Variants in PRUNE2 observed in about 807,000 individuals in gnomAD.
The protein encoded by PRUNE2 is prune homolog 2 with BCH domain, also known as protein prune homolog 2.
In PRUNE2, 164 loss-of-function variants were observed where a neutral mutation model predicts 252.0. The ratio of observed to expected loss-of-function variants is 0.65; its 90% confidence interval spans 0.57 to 0.74. The LOEUF (loss-of-function observed/expected upper bound fraction) is 0.74, where lower values mean the gene tolerates loss of function less well. Among genes scored for constraint, PRUNE2 ranks in the 30% least tolerant of loss-of-function variants. The probability of loss-of-function intolerance (pLI) is 0.00; values close to 1 mark genes in which losing one functional copy is unlikely to be tolerated. For synonymous variants in PRUNE2, 1,292 were observed against 1,350.2 expected (o/e 0.96, Z 0.94); for missense variants, 3,495 against 3,711.0 (o/e 0.94, Z 1.51).
At position 76,805,626 on chromosome 9, in the gene PRUNE2, C is replaced by A. The variant is rs560262689; in HGVS notation, c.756+18006G>T. 7.2e-4 allele frequency among the ~76,000 whole-genome samples: 109 copies of A among 152,270 alleles called. 2 individuals carry two copies. The highest frequency in any genetic ancestry group is 2.6e-3 in the African/African-American group (106 of 41,554). On this transcript the variant is annotated intron_variant, in intron 6 of 18. Coordinates refer to ENST00000376718, the MANE Select transcript of PRUNE2 (RefSeq NM_015225.3). ...AAATAAAAAATAAAACATAAAAATT[C>A]TGGTGTGCTATTGTACAGCAGTAGC...
chr9:76,628,549 G>A (rs1306339936), intron 16 of PRUNE2, among the ~76,000 whole-genome samples: 1 of 144,686 alleles, frequency 6.9e-6, no homozygotes, highest in Non-Finnish European at 1.6e-5. Context: ...TGTCTGTGCA[G>A]AGTGGGGGAC....
chr9:76,829,270 G>A (rs549198178), intron 4 of PRUNE2, among the ~76,000 whole-genome samples: 2 of 152,210 alleles, frequency 1.3e-5, no homozygotes, highest in African/African-American at 4.8e-5. Context: ...TTCCTCTTAG[G>A]ATATTTGCTA....
rs750201908 is a variant in PRUNE2, at chr9:76,706,641, G to T, written c.5633C>A (p.Pro1878His). 3.1e-6 allele frequency: 5 copies of T among 1,613,724 alleles called. No homozygotes were observed. In the East Asian group the frequency reaches 1.1e-4, roughly 36 times the overall value. Residue 1878 changes from proline (P) to histidine (H), a missense_variant, in exon 8 of 19, where the codon CCC (proline) becomes CAC (histidine). Pro to His is a moderately conservative substitution (Grantham distance 77). Coordinates refer to ENST00000376718, the MANE Select transcript of PRUNE2 (RefSeq NM_015225.3). ...AGGATTAGTATAGTGTGTTTCCACG[G>T]GCTCAATATCACCCTGAACTGGTAC... ...WGVPVQGDIE[P>H]VETHYTNPFS...
intron 9 of PRUNE2, among the ~76,000 whole-genome samples, chr9:76,680,252 A>G (rs935869889): frequency 6.6e-6 from 1 of 152,228 alleles, no homozygotes; most frequent in Non-Finnish European, 1.5e-5. Flanking sequence ...AGCATATGAA[A>G]AGATGCTCCA....
chr9:76,789,238 C>T lies in PRUNE2; in HGVS notation c.756+34394G>A, dbSNP rs1372785208. Among the ~76,000 whole-genome samples the T allele has an allele frequency of 5.3e-5, 8 of 152,190 alleles. No individual in the cohort carries two copies. In the South Asian group the frequency reaches 1.2e-3, roughly 24 times the overall value. On this transcript the variant is annotated intron_variant, in intron 6 of 18. Transcript: ENST00000376718. ...TGCTTTGATAGTGTTTTACCTGTGA[C>T]GATGGGCTTCATATCCACTGACCTT...
intron 6 of PRUNE2, among the ~76,000 whole-genome samples, chr9:76,744,137 A>ATCTACCCACACAAGAAAAAAC (rs1438069789): frequency 1.3e-4 from 20 of 152,244 alleles, no homozygotes; most frequent in Non-Finnish European, 2.8e-4. Context: ...GCAAGTCATT[A>ATCTACCCACACAAGAAAAAAC]TCTACCCACA....
intron 1 of PRUNE2, among the ~76,000 whole-genome samples, chr9:76,874,046 A>G (rs1409430936): frequency 6.6e-6 from 1 of 152,156 alleles, no homozygotes; most frequent in Non-Finnish European, 1.5e-5. Flanking sequence ...TCTTCGGGAG[A>G]TGTAATACTG....
intron 9 of PRUNE2, among the ~76,000 whole-genome samples, chr9:76,665,015 C>A (rs1170642814): frequency 6.6e-6 from 1 of 152,128 alleles, no homozygotes; most frequent in Admixed American, 6.5e-5. Context: ...ACTACAAAAG[C>A]CTTAGTTCAA....
At chr9:76,735,449 T>C (rs1424301067) in intron 6 of PRUNE2, among the ~76,000 whole-genome samples, 2 of 146,558 alleles carry the variant, frequency 1.4e-5, no homozygotes, top group Non-Finnish European at 3.0e-5. Flanking sequence ...ATGCCAGTTA[T>C]GACTAGCAGC....
rs2063477921 is a variant in PRUNE2, at chr9:76,906,066, G to A, written c.-103C>T. ...TCCCGGGAAAGTGGCCCGCCGGGGC[G>A]CAGCGACCGACTGCTCCCTCCTGCC... On this transcript the variant is annotated 5_prime_UTR_variant, in exon 1 of 19. Coordinates refer to ENST00000376718, the MANE Select transcript of PRUNE2 (RefSeq NM_015225.3). 7.7e-7 allele frequency: 1 copy of A among 1,293,572 alleles called. No individual in the cohort carries two copies. The highest frequency in any genetic ancestry group is 2.3e-5 in the East Asian group (1 of 42,850). 80.1% of individuals were successfully genotyped at this position (1,293,572 alleles called of 1,614,324 possible).
At chr9:76,799,803 G>T (rs2056416803) in intron 6 of PRUNE2, among the ~76,000 whole-genome samples, 1 of 152,118 alleles carries the variant, frequency 6.6e-6, no homozygotes, top group South Asian at 2.1e-4. Flanking sequence ...GACTTGTTTG[G>T]TATGGTTTAT....
At chr9:76,695,394 G>A (rs1234640662) in intron 9 of PRUNE2, among the ~76,000 whole-genome samples, 1 of 152,176 alleles carries the variant, frequency 6.6e-6, no homozygotes, top group Non-Finnish European at 1.5e-5. Context: ...GGCAACAGAT[G>A]ACCAAGAAGG....
Position 76,614,308 on chromosome 9 carries a change from G to C in PRUNE2, c.*262C>G. 1 of 534,248 alleles carries C rather than the reference G, an allele frequency of 1.9e-6. No homozygotes were observed. Among genetic ancestry groups the C allele is most frequent in the Non-Finnish European group, 3.3e-6 (1 of 303,730 alleles). 33.1% of individuals were successfully genotyped at this position (534,248 alleles called of 1,614,324 possible). ...AGTATCACTACACCGTGTTAATGAA[G>C]TATTGAAATGGAAGGTCCTACTTTC... On this transcript the variant is annotated 3_prime_UTR_variant, in exon 19 of 19. Coordinates refer to ENST00000376718, the MANE Select transcript of PRUNE2 (RefSeq NM_015225.3).
At chr9:76,897,576 G>C (rs35307956) in intron 1 of PRUNE2, among the ~76,000 whole-genome samples, 16,534 of 151,524 alleles carry the variant, frequency 0.11, 1,103 homozygotes, top group South Asian at 0.23. Context: ...ACCACGCCCA[G>C]TTAATTTTTT....
chr9:76,669,839 T>C (rs1351356438), intron 9 of PRUNE2, among the ~76,000 whole-genome samples: 1 of 152,156 alleles, frequency 6.6e-6, no homozygotes, highest in Non-Finnish European at 1.5e-5. Context: ...ATTCCCTCAC[T>C]CCTCCCGAGT....
intron 6 of PRUNE2, among the ~76,000 whole-genome samples, chr9:76,716,392 G>A (rs943125168): frequency 2.0e-5 from 3 of 152,282 alleles, no homozygotes; most frequent in Admixed American, 6.5e-5. Flanking sequence ...TGGAATGCAC[G>A]TTGAAATCTG....
intron 1 of PRUNE2, among the ~76,000 whole-genome samples, chr9:76,855,082 AATATATAT>A (rs1162386020): frequency 9.1e-6 from 1 of 109,438 alleles, no homozygotes; most frequent in African/African-American, 3.9e-5. Context: ...AAAAAAAAAA[AATATATAT>A]ATATATATAT....
chr9:76,820,890 T>C (rs1390045428), intron 6 of PRUNE2, among the ~76,000 whole-genome samples: 3 of 152,168 alleles, frequency 2.0e-5, no homozygotes, highest in Admixed American at 6.5e-5. Context: ...ATAAATCAGA[T>C]AGCAAAGGGG....
chr9:76,811,034 G>A (rs1384173712), intron 6 of PRUNE2, among the ~76,000 whole-genome samples: 4 of 152,182 alleles, frequency 2.6e-5, no homozygotes, highest in Non-Finnish European at 5.9e-5. Flanking sequence ...TAACTCTGAA[G>A]GGAGGGGAGA....
Sources: allele counts gnomAD v4.1 joint callset (sites outside exome capture counted in the v4.1 genomes callset), GRCh38; gene constraint gnomAD v4.1.1; transcripts MANE v1.5; gene names NCBI Gene and HGNC (gene_info 2026-07-23, HGNC 2026-07-21).